The following FRK variants were observed in gnomAD, a reference collection of about 807,000 sequenced individuals.
The protein encoded by FRK is fyn related Src family tyrosine kinase.
A neutral mutation model predicts 56.4 loss-of-function variants in FRK; 51 were observed. The observed-to-expected ratio is 0.90, with a 90% CI of 0.72 to 1.14. The LOEUF (loss-of-function observed/expected upper bound fraction) is 1.14, where lower values mean the gene tolerates loss of function less well. Ranked by LOEUF, FRK falls within the 50% of genes most tolerant of loss-of-function variation. The pLI, the probability that FRK is intolerant of heterozygous loss-of-function variation, is 0.00. For missense variants in FRK, 570 were observed against 601.4 expected (o/e 0.95, Z 0.55); for synonymous variants, 245 against 217.9 (o/e 1.12, Z -1.10).
At chr6:115,959,660 A>T (rs911152385) in intron 4 of FRK, among the ~76,000 whole-genome samples, 1 of 152,318 alleles carries the variant, frequency 6.6e-6, no homozygotes, top group South Asian at 2.1e-4. Context: ...CACATCTGTC[A>T]GCAGCCCCAT....
chr6:116,040,640 A>G (rs1776675663), intron 1 of FRK, among the ~76,000 whole-genome samples: 1 of 152,140 alleles, frequency 6.6e-6, no homozygotes, highest in Admixed American at 6.5e-5. Context: ...TAAGCCATAA[A>G]TTATTCCTCA....
intron 1 of FRK, among the ~76,000 whole-genome samples, chr6:116,007,375 G>C (rs1449496974): frequency 2.0e-5 from 3 of 152,148 alleles, no homozygotes; most frequent in Non-Finnish European, 2.9e-5. Context: ...AGGAAACTCA[G>C]GCCCAGGGAA....
chr6:116,013,632 A>T (rs983451592), intron 1 of FRK, among the ~76,000 whole-genome samples: 1 of 152,150 alleles, frequency 6.6e-6, no homozygotes, highest in African/African-American at 2.4e-5. Flanking sequence ...TTTATAAAAT[A>T]CCACAAATGT....
intron 1 of FRK, among the ~76,000 whole-genome samples, chr6:116,059,168 G>GTGGATGGATGGATGGA (rs571613998): frequency 1.3e-5 from 2 of 151,990 alleles, no homozygotes; most frequent in Non-Finnish European, 2.9e-5. Context: ...GGGGTGGTAG[G>GTGGATGGATGGATGGA]TGGATGGATG....
chr6:115,997,589 A>AT (rs1562277516), intron 2 of FRK, among the ~76,000 whole-genome samples: 2 of 151,842 alleles, frequency 1.3e-5, no homozygotes, highest in East Asian at 1.9e-4. Flanking sequence ...CTATCCCCCA[A>AT]TCCCTCATGT....
intron 2 of FRK, among the ~76,000 whole-genome samples, chr6:115,971,236 A>C (rs3798242): frequency 0.042 from 6,434 of 152,236 alleles, 344 homozygotes; most frequent in Admixed American, 0.15. Context: ...AGTAAATGTT[A>C]CCTAATTTTC....
At position 115,934,337 on chromosome 6, in the gene FRK, A is replaced by G. The variant is rs747939337; in HGVS notation, c.*8077T>C. ...AGCACATAACATTCACATTAAGCCT[A>G]TTTTTGGTCCATGGCTGGGCATAGG... On this transcript the variant is annotated 3_prime_UTR_variant, in exon 8 of 8. Coordinates refer to ENST00000606080, the MANE Select transcript of FRK (RefSeq NM_002031.3). The G allele has an allele frequency of 2.0e-5, 3 of 152,202 alleles. No homozygotes were observed. Among genetic ancestry groups the G allele is most frequent in the Admixed American group, 6.5e-5 (1 of 15,276 alleles). 9.4% of individuals were successfully genotyped at this position (152,202 alleles called of 1,614,324 possible).
chr6:116,022,710 AT>A (rs1775923204), intron 1 of FRK, among the ~76,000 whole-genome samples: 2 of 152,284 alleles, frequency 1.3e-5, no homozygotes, highest in Admixed American at 6.5e-5. Context: ...ATCATACTCA[AT>A]GGTAAACTAA....
At chr6:116,081,238 C>G in the FRK span, among the ~76,000 whole-genome samples, 3 of 152,156 alleles carry the variant, frequency 2.0e-5, no homozygotes, top group Admixed American at 2.0e-4. Context: ...GAGACACAGC[C>G]AAACCATACC....
At chr6:116,042,299 G>A (rs1277308186) in intron 1 of FRK, among the ~76,000 whole-genome samples, 2 of 152,102 alleles carry the variant, frequency 1.3e-5, no homozygotes, top group Admixed American at 6.5e-5. Flanking sequence ...ACACCTGGGG[G>A]AAGGGGCAGG....
At chr6:115,958,405 T>C (rs957424574) in intron 4 of FRK, among the ~76,000 whole-genome samples, 1 of 152,126 alleles carries the variant, frequency 6.6e-6, no homozygotes, top group Middle Eastern at 3.4e-3. Context: ...GGCAGGCGGA[T>C]AACTTGAGGT....
At chr6:116,024,253 T>G (rs1231103760) in intron 1 of FRK, among the ~76,000 whole-genome samples, 2 of 152,010 alleles carry the variant, frequency 1.3e-5, no homozygotes, top group Non-Finnish European at 2.9e-5. Flanking sequence ...TTTTTCCTTT[T>G]TCTTTCATTT....
chr6:116,010,214 GAA>G (rs200851965), intron 1 of FRK, among the ~76,000 whole-genome samples: 1 of 142,772 alleles, frequency 7.0e-6, no homozygotes. Context: ...ATTCTGTCTC[GAA>G]AAAAAAAAAA....
the FRK span, among the ~76,000 whole-genome samples, chr6:116,075,596 T>A: frequency 6.6e-6 from 1 of 152,044 alleles, no homozygotes. Flanking sequence ...AAATTAACGC[T>A]CTTCATTGGG....
chr6:115,989,832 G>T (rs2114658514), intron 2 of FRK, among the ~76,000 whole-genome samples: 1 of 151,868 alleles, frequency 6.6e-6, no homozygotes, highest in African/African-American at 2.4e-5. Flanking sequence ...CAAATAGTAG[G>T]TCTATTTTCA....
In FRK at chr6:115,939,830, G is replaced by A. The variant is rs1299567693; in HGVS notation, c.*2584C>T. ...AACCACTGCTCAAGGAAATAAGAGA[G>A]GACACAAATAAATGGAAAAACATTC... On this transcript the variant is annotated 3_prime_UTR_variant, in exon 8 of 8. Coordinates refer to ENST00000606080, the MANE Select transcript of FRK (RefSeq NM_002031.3). The A allele has an allele frequency of 1.3e-5, 2 of 152,050 alleles. No homozygotes were observed. Among genetic ancestry groups the A allele is most frequent in the Non-Finnish European group, 2.9e-5 (2 of 68,022 alleles). The allele number at this position is 152,050 out of a possible 1,614,324, so 9.4% of individuals were successfully genotyped here.
intron 1 of FRK, among the ~76,000 whole-genome samples, chr6:116,052,174 G>A (rs1361130824): frequency 2.0e-5 from 3 of 152,118 alleles, no homozygotes; most frequent in Non-Finnish European, 4.4e-5. Flanking sequence ...ATTGGTCTAC[G>A]ACTCTTAAGT....
chr6:116,000,753 C>A (rs935426480), intron 2 of FRK, among the ~76,000 whole-genome samples: 1 of 152,080 alleles, frequency 6.6e-6, no homozygotes, highest in African/African-American at 2.4e-5. Context: ...CATGAAAATA[C>A]TCAAATATTC....
chr6:116,073,602 T>C, the FRK span, among the ~76,000 whole-genome samples: 1 of 152,098 alleles, frequency 6.6e-6, no homozygotes, highest in African/African-American at 2.4e-5. Context: ...ATATTAAAAA[T>C]GAATAGGGAA....
Sources: gnomAD v4.1 joint callset for allele counts (sites outside exome capture counted in the v4.1 genomes callset) on GRCh38, gnomAD v4.1.1 for gene constraint, MANE v1.5 for transcripts, NCBI Gene and HGNC (gene_info 2026-07-23, HGNC 2026-07-21) for gene names.